CACNA2D3: variants seen among roughly 807,000 people sequenced by gnomAD.
CACNA2D3 encodes the protein calcium voltage-gated channel auxiliary subunit alpha2delta 3, also known as voltage-dependent calcium channel subunit alpha-2/delta-3.
CACNA2D3 carries 60 observed loss-of-function variants against 160.6 expected under a neutral mutation model. That is an observed-to-expected ratio of 0.37 (90% CI 0.30 to 0.46). The LOEUF (loss-of-function observed/expected upper bound fraction) is 0.46. Among genes scored for constraint, CACNA2D3 ranks in the 20% least tolerant of loss-of-function variants. CACNA2D3 has a pLI of 1.00. For missense variants in CACNA2D3, 1,205 were observed against 1,365.0 expected, an observed-to-expected ratio of 0.88 and a Z score of 1.85; for synonymous variants, 558 against 492.9, an observed-to-expected ratio of 1.13 and a Z score of -1.75.
At chr3:54,751,460 G>GT (rs139029732) in intron 11 of CACNA2D3, among the ~76,000 whole-genome samples, 29,802 of 151,730 alleles carry the variant, frequency 0.2, 3,156 homozygotes, top group African/African-American at 0.24. Flanking sequence ...CGTTTTTTGT[G>GT]TTTTTTTTAA....
At chr3:54,226,364 G>T (rs1380402149) in intron 2 of CACNA2D3, among the ~76,000 whole-genome samples, 2 of 133,186 alleles carry the variant, frequency 1.5e-5, no homozygotes, top group Non-Finnish European at 3.0e-5. Context: ...AGGCTGGAAT[G>T]CAGTGGCATT....
intron 11 of CACNA2D3, among the ~76,000 whole-genome samples, chr3:54,745,970 A>T (rs1202773467): frequency 6.6e-6 from 1 of 152,194 alleles, no homozygotes; most frequent in Non-Finnish European, 1.5e-5. Context: ...TTTGTAATTT[A>T]ATTCAATTTA....
intron 9 of CACNA2D3, among the ~76,000 whole-genome samples, chr3:54,615,428 T>G (rs1385391796): frequency 6.6e-6 from 1 of 152,150 alleles, no homozygotes; most frequent in Non-Finnish European, 1.5e-5. Context: ...AGAAATACAG[T>G]TAGTAAAATC....
At chr3:55,067,233 A>G (rs1704677535) in intron 35 of CACNA2D3, among the ~76,000 whole-genome samples, 3 of 152,220 alleles carry the variant, frequency 2.0e-5, no homozygotes, top group African/African-American at 7.2e-5. Context: ...GTCATTAAGC[A>G]TCTGCACTGA....
At chr3:54,633,131 T>G (rs561199812) in intron 10 of CACNA2D3, among the ~76,000 whole-genome samples, 54 of 152,288 alleles carry the variant, frequency 3.5e-4, no homozygotes, top group South Asian at 1.9e-3. Context: ...CCTGTGACCC[T>G]GAAACCCTAA....
intron 13 of CACNA2D3, among the ~76,000 whole-genome samples, chr3:54,770,740 G>A (rs542679328): frequency 3.2e-4 from 48 of 152,258 alleles, no homozygotes; most frequent in Non-Finnish European, 4.1e-4. Flanking sequence ...CTTGAAGTCA[G>A]TTGTCTTCAT....
chr3:54,185,936 TCTCTCC>T (rs1157492158), intron 2 of CACNA2D3, among the ~76,000 whole-genome samples: 2 of 152,154 alleles, frequency 1.3e-5, no homozygotes, highest in Non-Finnish European at 2.9e-5. Flanking sequence ...GCCTTAAGCA[TCTCTCC>T]CTCAGAGGTT....
intron 11 of CACNA2D3, among the ~76,000 whole-genome samples, chr3:54,667,842 G>A (rs563630516): frequency 6.6e-6 from 1 of 151,920 alleles, no homozygotes; most frequent in South Asian, 2.1e-4. Context: ...AGCTACTTGA[G>A]AGGCTAAAGC....
At chr3:54,222,381 G>A (rs1036775432) in intron 2 of CACNA2D3, among the ~76,000 whole-genome samples, 13 of 152,178 alleles carry the variant, frequency 8.5e-5, no homozygotes, top group African/African-American at 3.1e-4. Flanking sequence ...TGTCCTGAAG[G>A]CAGGAATAAA....
At chr3:54,581,118 G>A (rs1375315360) in intron 8 of CACNA2D3, among the ~76,000 whole-genome samples, 4 of 152,158 alleles carry the variant, frequency 2.6e-5, no homozygotes, top group African/African-American at 9.7e-5. Flanking sequence ...GATGTGTAAG[G>A]ACCGGCCTCC....
intron 2 of CACNA2D3, among the ~76,000 whole-genome samples, chr3:54,239,711 A>G (rs1275106646): frequency 6.6e-6 from 1 of 152,248 alleles, no homozygotes; most frequent in Non-Finnish European, 1.5e-5. Context: ...TTATACTAGC[A>G]TAGGAGATAA....
At chr3:54,751,568 A>G (rs904545309) in intron 11 of CACNA2D3, among the ~76,000 whole-genome samples, 2 of 152,094 alleles carry the variant, frequency 1.3e-5, no homozygotes, top group African/African-American at 4.8e-5. Context: ...AGTCAACTGG[A>G]TACTCTAGTG....
chr3:54,626,326 G>T (rs1314097091), intron 9 of CACNA2D3: 13 of 1,553,684 alleles, frequency 8.4e-6, no homozygotes, highest in Non-Finnish European at 9.6e-6. Context: ...GCTGTACAGT[G>T]CGCGCCAGCA....
At chr3:54,986,253 A>G (rs1225768800) in intron 30 of CACNA2D3, among the ~76,000 whole-genome samples, 2 of 152,158 alleles carry the variant, frequency 1.3e-5, no homozygotes, top group Non-Finnish European at 2.9e-5. Flanking sequence ...ATGAGCAGCC[A>G]TGGCCACTAC....
intron 31 of CACNA2D3, among the ~76,000 whole-genome samples, chr3:54,991,717 G>GAA (rs199768491): frequency 0.016 from 2,439 of 152,252 alleles, 51 homozygotes; most frequent in African/African-American, 0.055. Flanking sequence ...GAAGACTTCA[G>GAA]GTTGAGCACA....
chr3:54,657,085 G>C (rs187393110), intron 11 of CACNA2D3, among the ~76,000 whole-genome samples: 3 of 151,500 alleles, frequency 2.0e-5, no homozygotes, highest in South Asian at 2.1e-4. Flanking sequence ...GGGCAGGAGT[G>C]GGGGGTCACA....
intron 17 of CACNA2D3, among the ~76,000 whole-genome samples, chr3:54,851,300 C>A (rs926251330): frequency 4.6e-5 from 7 of 152,170 alleles, no homozygotes; most frequent in African/African-American, 1.7e-4. Flanking sequence ...GTGGAAGATA[C>A]ATCTAGCAGC....
At chr3:54,509,924 T>C (rs1208615485) in intron 5 of CACNA2D3, among the ~76,000 whole-genome samples, 1 of 152,208 alleles carries the variant, frequency 6.6e-6, no homozygotes, top group Non-Finnish European at 1.5e-5. Flanking sequence ...TCTGCAGAGA[T>C]GTATATGTGT....
intron 27 of CACNA2D3, among the ~76,000 whole-genome samples, chr3:54,960,559 A>G (rs1335511757): frequency 6.6e-6 from 1 of 152,200 alleles, no homozygotes; most frequent in East Asian, 1.9e-4. Context: ...ATTATAACAA[A>G]TGCATATTGC....
Sources: gnomAD v4.1 joint callset for allele counts (sites outside exome capture counted in the v4.1 genomes callset) on GRCh38, gnomAD v4.1.1 for gene constraint, MANE v1.5 for transcripts, NCBI Gene and HGNC (gene_info 2026-07-23, HGNC 2026-07-21) for gene names.